Variants in RMC1 observed in about 807,000 individuals in gnomAD.
RMC1 encodes the protein regulator of MON1-CCZ1 complex.
A neutral mutation model predicts 95.5 loss-of-function variants in RMC1; 44 were observed. That is an observed-to-expected ratio of 0.46 (90% CI 0.36 to 0.59). The LOEUF (loss-of-function observed/expected upper bound fraction) is 0.59. Among genes scored for constraint, RMC1 ranks in the 20% least tolerant of loss-of-function variants. The pLI is 0.00. For missense variants in RMC1, 705 were observed against 819.6 expected (o/e 0.86, Z 1.71); for synonymous variants, 320 against 303.6 (o/e 1.05, Z -0.56).
At chr18:23,524,611 AT>A (rs113496800) in intron 12 of RMC1, 129 bp downstream of exon 12, 26,887 of 684,814 alleles carry the variant, frequency 0.039, 486 homozygotes, top group African/African-American at 0.14. Context: ...TGGGAATGGG[AT>A]TTTTTTTTTT....
At chr18:23,521,411 G>A (rs891592652) in intron 10 of RMC1, among the ~76,000 whole-genome samples, 3 of 152,230 alleles carry the variant, frequency 2.0e-5, no homozygotes. Flanking sequence ...GTTTGTTACT[G>A]TAACCTGGGA....
At chr18:23,510,176 TAGTC>T (rs1218407194) in intron 5 of RMC1, among the ~76,000 whole-genome samples, 2 of 151,318 alleles carry the variant, frequency 1.3e-5, no homozygotes, top group East Asian at 3.9e-4. Flanking sequence ...TACAAAATGT[TAGTC>T]AGGCATGGTG....
rs1268961276 is a variant in RMC1 at position 23,508,083 on chromosome 18, G to A, written c.321+42G>A. The A allele has an allele frequency of 2.5e-6, 4 of 1,569,558 alleles. No homozygotes were observed. The African/African-American group carries it at 4.1e-5, about 16-fold the overall frequency. ...TTTCTCAGCTGCTGGTGTCAGTGGT[G>A]TTGAGCTGGGTTATGTAGTGGAGAG... is the stretch of plus-strand genomic sequence containing the variant. On this transcript the variant is annotated intron_variant, in intron 4 of 19. Coordinates refer to ENST00000269221, the MANE Select transcript of RMC1 (RefSeq NM_013326.5).
chr18:23,512,083 C>T (rs942363581), intron 5 of RMC1, among the ~76,000 whole-genome samples: 2 of 146,474 alleles, frequency 1.4e-5, no homozygotes, highest in Non-Finnish European at 3.0e-5. Flanking sequence ...TGCAATGGTG[C>T]GATCTCGGCT....
chr18:23,504,640 C>T (rs776609008), intron 2 of RMC1, 193 bp downstream of exon 2: 2 of 500,608 alleles, frequency 4.0e-6, no homozygotes, highest in Admixed American at 3.3e-5. Context: ...AGTGGAATAT[C>T]TGGAGCAGTT....
chr18:23,504,313 T>A, intron 1 of RMC1, 58 bp from the exon 2 acceptor site: 1 of 1,494,092 alleles, frequency 6.7e-7, no homozygotes, highest in Non-Finnish European at 9.3e-7. Flanking sequence ...CGGGTTGGCT[T>A]CTGAGTTTAG....
chr18:23,512,985 GCT>G (rs2057903010), intron 5 of RMC1, among the ~76,000 whole-genome samples: 2 of 151,370 alleles, frequency 1.3e-5, no homozygotes. Context: ...ATGGAGTCTT[GCT>G]CTGTTGCCCA....
intron 5 of RMC1, among the ~76,000 whole-genome samples, chr18:23,513,722 GT>G (rs2057924407): frequency 2.0e-5 from 3 of 152,094 alleles, no homozygotes; most frequent in Admixed American, 2.0e-4. Flanking sequence ...GTTTTGTTTT[GT>G]TTTTGATACT....
rs758912837 is a variant in RMC1 at position 23,520,196 on chromosome 18, C to T, written c.850-6C>T. 2 of 1,610,712 alleles carry T rather than the reference C, an allele frequency of 1.2e-6. No homozygotes were observed. The highest frequency in any genetic ancestry group is 3.3e-5 in the Admixed American group (2 of 59,972). On this transcript the variant is annotated splice_region_variant and splice_polypyrimidine_tract_variant and intron_variant, in intron 9 of 19. Transcript: ENST00000269221. ...TTGGCCTCAGTCTTGTCTTTTTCCC[C>T]CCCAGACATCGGTAATATTCGATAT...
chr18:23,514,608 T>G (rs1174181554), intron 5 of RMC1, among the ~76,000 whole-genome samples: 1 of 152,170 alleles, frequency 6.6e-6, no homozygotes, highest in Non-Finnish European at 1.5e-5. Flanking sequence ...AAACAAACTT[T>G]AGACAAATTC....
chr18:23,516,099 G>C, intron 6 of RMC1, 103 bp downstream of exon 6: 1 of 1,534,202 alleles, frequency 6.5e-7, no homozygotes, highest in East Asian at 2.3e-5. Context: ...TCCTCTAGCC[G>C]TAACGTCACC....
At chr18:23,520,048 A>G (rs2058102311) in intron 9 of RMC1, among the ~76,000 whole-genome samples, 154 bp from the exon 10 acceptor site, 1 of 152,222 alleles carries the variant, frequency 6.6e-6, no homozygotes, top group Non-Finnish European at 1.5e-5. Flanking sequence ...TGTGATGTTA[A>G]TGACAAATTC....
chr18:23,513,005 G>C (rs926766503), intron 5 of RMC1, among the ~76,000 whole-genome samples: 1 of 152,020 alleles, frequency 6.6e-6, no homozygotes, highest in African/African-American at 2.4e-5. Flanking sequence ...CCAGGCTGGA[G>C]TGCAGTGGCG....
chr18:23,527,516 G>A (rs2058338685), intron 13 of RMC1, among the ~76,000 whole-genome samples: 1 of 149,152 alleles, frequency 6.7e-6, no homozygotes. Context: ...CCAGCGTTAA[G>A]TGATCCTTCT....
At chr18:23,505,261 G>T (rs563630825) in intron 2 of RMC1, among the ~76,000 whole-genome samples, 2 of 152,004 alleles carry the variant, frequency 1.3e-5, no homozygotes, top group Non-Finnish European at 2.9e-5. Flanking sequence ...GGGTTTCACC[G>T]TGTTGGCCAG....
chr18:23,519,882 C>T (rs538674739), intron 9 of RMC1, among the ~76,000 whole-genome samples: 2 of 152,254 alleles, frequency 1.3e-5, no homozygotes, highest in East Asian at 3.9e-4. Flanking sequence ...CTCTACCCTC[C>T]CAGAGGGTGG....
In RMC1 at chr18:23,531,669, G is replaced by A; in HGVS notation, c.1939G>A (p.Gly647Arg). The change falls in exon 20 of 20, where the codon GGA becomes AGA. Residue 647 changes from glycine (G) to arginine (R), a missense_variant. Coordinates refer to ENST00000269221, the MANE Select transcript of RMC1 (RefSeq NM_013326.5). ...EHVAFFKQIF[G>R]DQALMRPTTF ...TGTTGCTTTTTTCAAACAGATTTTT[G>A]GAGACCAAGCTCTAATGAGGCCTAC... 1 of 1,613,282 alleles carries A rather than the reference G, an allele frequency of 6.2e-7. No homozygotes were observed. Among genetic ancestry groups the A allele is most frequent in the Non-Finnish European group, 8.5e-7 (1 of 1,179,866 alleles).
intron 1 of RMC1, 83 bp downstream of exon 1, chr18:23,503,803 C>T (rs1315259115): frequency 9.3e-6 from 11 of 1,187,958 alleles, no homozygotes; most frequent in Non-Finnish European, 1.3e-5. Context: ...CGACCAGGCC[C>T]GAGCGTCCCC....
intron 12 of RMC1, among the ~76,000 whole-genome samples, chr18:23,525,214 G>A (rs1407027127): frequency 6.6e-6 from 1 of 151,836 alleles, no homozygotes; most frequent in Non-Finnish European, 1.5e-5. Flanking sequence ...CCAAAGTGCT[G>A]GGATTACAGG....
Sources: allele counts gnomAD v4.1 joint callset (sites outside exome capture counted in the v4.1 genomes callset), GRCh38; gene constraint gnomAD v4.1.1; transcripts MANE v1.5; gene names NCBI Gene and HGNC (gene_info 2026-07-23, HGNC 2026-07-21).